Variants in AMOTL1 observed in about 807,000 individuals in gnomAD.
AMOTL1 encodes the protein angiomotin like 1.
AMOTL1 carries 45 observed loss-of-function variants against 102.9 expected under a neutral mutation model. The ratio of observed to expected loss-of-function variants is 0.44; its 90% CI spans 0.34 to 0.56. The LOEUF (loss-of-function observed/expected upper bound fraction) is 0.56. Ranked by LOEUF, AMOTL1 falls within the 20% of genes least tolerant of loss-of-function variation. The pLI, the probability that AMOTL1 is intolerant of heterozygous loss-of-function variation, is 0.01. For missense variants in AMOTL1, 1,114 were observed against 1,225.6 expected (o/e 0.91, Z 1.36); for synonymous variants, 481 against 484.7 (o/e 0.99, Z 0.10).
At chr11:94,816,022 G>C (rs1199495944) in intron 3 of AMOTL1, among the ~76,000 whole-genome samples, 1 of 151,998 alleles carries the variant, frequency 6.6e-6, no homozygotes, top group Non-Finnish European at 1.5e-5. Context: ...ATTGTGTTTT[G>C]ATATTTTAAA....
chr11:94,756,729 C>T (rs900310561), intron 3 of AMOTL1, among the ~76,000 whole-genome samples: 3 of 152,148 alleles, frequency 2.0e-5, no homozygotes, highest in African/African-American at 7.2e-5. Context: ...CTTTTCTACA[C>T]TAGATATGGC....
At chr11:94,726,341 C>T (rs1022533677) in intron 1 of AMOTL1, among the ~76,000 whole-genome samples, 3 of 152,188 alleles carry the variant, frequency 2.0e-5, no homozygotes, top group African/African-American at 7.2e-5. Flanking sequence ...AGAGTCTTCA[C>T]CCACACTGGG....
chr11:94,750,996 G>A (rs995246387), intron 3 of AMOTL1, among the ~76,000 whole-genome samples: 1 of 152,134 alleles, frequency 6.6e-6, no homozygotes, highest in Non-Finnish European at 1.5e-5. Context: ...GCCCAGAGTC[G>A]TTTGGCTAGA....
intron 1 of AMOTL1, among the ~76,000 whole-genome samples, chr11:94,717,856 A>C (rs1254561488): frequency 1.3e-5 from 2 of 151,920 alleles, no homozygotes; most frequent in Non-Finnish European, 2.9e-5. Context: ...GGCAAAGTAC[A>C]TGAACAGGCT....
chr11:94,850,976 T>C (rs1952525253), intron 7 of AMOTL1, among the ~76,000 whole-genome samples: 1 of 152,228 alleles, frequency 6.6e-6, no homozygotes. Flanking sequence ...CGATGCTAAG[T>C]AACAGGGATG....
chr11:94,766,770 T>G (rs1349539618), upstream of AMOTL1, among the ~76,000 whole-genome samples: 2 of 152,226 alleles, frequency 1.3e-5, no homozygotes, highest in Non-Finnish European at 2.9e-5. Context: ...TTCTGTAACA[T>G]TGGACAAGTC....
At position 94,752,941 on chromosome 11, in the gene AMOTL1, A is replaced by G. The variant is rs570500817; in HGVS notation, c.136+11953A>G. On this transcript the variant is annotated intron_variant, in intron 3 of 4. Transcript: ENST00000299004. The stretch of plus-strand genomic sequence containing the variant: ...GTTTGCTGTTTACTGTCTGTTGACC[A>G]TGAATAAATGTCCATTATTGTTGCT... 2.0e-4 allele frequency among the ~76,000 whole-genome samples: 30 copies of G among 152,336 alleles called. No homozygotes were observed. In the East Asian group the frequency reaches 5.6e-3, roughly 28 times the overall value.
chr11:94,738,452 T>C (rs1950467960), intron 2 of AMOTL1, among the ~76,000 whole-genome samples: 1 of 152,120 alleles, frequency 6.6e-6, no homozygotes, highest in South Asian at 2.1e-4. Context: ...GAGATGGGTT[T>C]TCACCATGTT....
chr11:94,740,814 AT>A, intron 2 of AMOTL1: 1 of 729,488 alleles, frequency 1.4e-6, no homozygotes, highest in South Asian at 1.5e-5. Flanking sequence ...CGGCTCAGGG[AT>A]TCTGAGCGCT....
chr11:94,859,347 A>T (rs1037418672), intron 8 of AMOTL1, among the ~76,000 whole-genome samples, 178 bp from the exon 9 acceptor site: 1 of 152,316 alleles, frequency 6.6e-6, no homozygotes, highest in African/African-American at 2.4e-5. Context: ...AACTGGGATA[A>T]TATTGTCGTT....
intron 6 of AMOTL1, among the ~76,000 whole-genome samples, chr11:94,849,721 ATATTAT>A (rs1364166131): frequency 6.6e-6 from 1 of 152,164 alleles, no homozygotes; most frequent in Non-Finnish European, 1.5e-5. Flanking sequence ...GAGAATATTA[ATATTAT>A]TATTAATATT....
rs149844289 is a variant in AMOTL1 at position 94,798,177 on chromosome 11, C to A, written c.200-1213C>A. Among the ~76,000 whole-genome samples the A allele has an allele frequency of 2.4e-3, 368 of 152,310 alleles. 2 individuals carry two copies. Among genetic ancestry groups the A allele is most frequent in the African/African-American group, 8.6e-3 (357 of 41,564 alleles). On this transcript the variant is annotated intron_variant, in intron 2 of 12. Transcript: ENST00000433060. ...AATTTACCTTCTGTGAACATCTCTC[C>A]TCTTCTGTAAGGTGAGGGAATTACT... is the stretch of plus-strand genomic sequence containing the variant.
intron 3 of AMOTL1, among the ~76,000 whole-genome samples, chr11:94,752,813 A>T (rs1950673215): frequency 6.6e-6 from 1 of 152,194 alleles, no homozygotes; most frequent in African/African-American, 2.4e-5. Context: ...GTCTGGAATG[A>T]ATCCTGTGGA....
intron 3 of AMOTL1, among the ~76,000 whole-genome samples, chr11:94,810,720 A>G (rs536752173): frequency 6.6e-6 from 1 of 152,038 alleles, no homozygotes; most frequent in East Asian, 1.9e-4. Flanking sequence ...GTGTGGCAAG[A>G]GAAAGGAGAG....
At chr11:94,802,644 C>T (rs763440342) in intron 3 of AMOTL1, among the ~76,000 whole-genome samples, 2 of 152,168 alleles carry the variant, frequency 1.3e-5, no homozygotes, top group African/African-American at 2.4e-5. Context: ...GTTAATATGA[C>T]GCATCAAATG....
chr11:94,716,325 A>C (rs888258631), intron 1 of AMOTL1, among the ~76,000 whole-genome samples: 3 of 152,172 alleles, frequency 2.0e-5, no homozygotes, highest in Non-Finnish European at 4.4e-5. Flanking sequence ...TAATTCCAAC[A>C]TCTGAGTCTC....
chr11:94,790,868 C>G (rs57727006), intron 1 of AMOTL1, among the ~76,000 whole-genome samples: 6,078 of 152,238 alleles, frequency 0.04, 399 homozygotes, highest in African/African-American at 0.14. Flanking sequence ...ATTAGTAGTT[C>G]CAGTGGCAGG....
chr11:94,733,120 T>A (rs1950380759), intron 2 of AMOTL1, among the ~76,000 whole-genome samples: 1 of 152,366 alleles, frequency 6.6e-6, no homozygotes, highest in South Asian at 2.1e-4. Context: ...GCAAACTAAC[T>A]AAGCCCAGCT....
chr11:94,749,731 G>A (rs1277287708), intron 3 of AMOTL1, among the ~76,000 whole-genome samples: 2 of 152,162 alleles, frequency 1.3e-5, no homozygotes, highest in African/African-American at 2.4e-5. Flanking sequence ...AGTACTGACC[G>A]CAGCCCATGG....
Sources: gnomAD v4.1 joint callset for allele counts (sites outside exome capture counted in the v4.1 genomes callset) on GRCh38, gnomAD v4.1.1 for gene constraint, MANE v1.5 for transcripts, NCBI Gene and HGNC (gene_info 2026-07-23, HGNC 2026-07-21) for gene names.